The following WDR33 variants were observed in gnomAD, a reference collection of about 807,000 sequenced individuals.
The protein encoded by WDR33 is pre-mRNA 3' end processing protein WDR33.
Under a neutral mutation model 164.9 loss-of-function variants are expected in WDR33, and 47 were observed. The ratio of observed to expected loss-of-function variants is 0.29; its 90% CI spans 0.23 to 0.36. WDR33 has a LOEUF of 0.36. Ranked by LOEUF, WDR33 falls within the 10% of genes least tolerant of loss-of-function variation. The pLI is 1.00. For synonymous variants in WDR33, 505 were observed against 589.0 expected, an observed-to-expected ratio of 0.86 and a Z score of 2.06; for missense variants, 1,137 against 1,754.1, an observed-to-expected ratio of 0.65 and a Z score of 6.28.
At chr2:127,809,633 G>T (rs751091294) in intron 1 of WDR33, among the ~76,000 whole-genome samples, 8 of 151,664 alleles carry the variant, frequency 5.3e-5, no homozygotes. Context: ...ACGGGGTTCC[G>T]CCATGTTGGT....
chr2:127,797,919 C>G (rs1438601534), intron 1 of WDR33, among the ~76,000 whole-genome samples: 4 of 151,780 alleles, frequency 2.6e-5, no homozygotes, highest in Non-Finnish European at 5.9e-5. Flanking sequence ...GGGGCTGAAG[C>G]AGGAGGACTG....
Position 127,711,782 on chromosome 2 carries a change from T to TATATATATA in WDR33, c.3308+1800_3308+1801insTATATATAT, listed in dbSNP as rs1558919467. 3.0e-3 allele frequency among the ~76,000 whole-genome samples: 255 copies of TATATATATA among 84,366 alleles called. 4 individuals are homozygous for TATATATATA. Among genetic ancestry groups the TATATATATA allele is most frequent in the Non-Finnish European group, 4.3e-3 (202 of 47,460 alleles). 55.3% of individuals were successfully genotyped at this position (84,366 alleles called of 152,430 possible). On this transcript the variant is annotated intron_variant, in intron 18 of 21. Transcript: ENST00000322313. Reference sequence around the variant, plus strand: ...TATATATATATATATATATATATATTTTTTTTTTGAGACAGAGTCTCGCCC... The same window carrying TATATATATA: ...TATATATATATATATATATATATATTATATATATATTTTTTTTGAGACAGAGTCTCGCCC...
At chr2:127,750,317 C>G (rs774521484) in intron 7 of WDR33, among the ~76,000 whole-genome samples, 108 of 151,934 alleles carry the variant, frequency 7.1e-4, no homozygotes, top group Admixed American at 1.2e-3. Flanking sequence ...CATGAGCCAC[C>G]GCACCCAGCT....
chr2:127,750,699 T>TGC (rs1184751949), intron 7 of WDR33, among the ~76,000 whole-genome samples: 2 of 57,538 alleles, frequency 3.5e-5, no homozygotes, highest in African/African-American at 2.0e-4. Context: ...TATATATATA[T>TGC]ATATATATAT....
intron 1 of WDR33, among the ~76,000 whole-genome samples, chr2:127,781,404 GAACATA>G (rs2105460709): frequency 6.6e-6 from 1 of 152,228 alleles, no homozygotes; most frequent in African/African-American, 2.4e-5. Context: ...GCGAACACAG[GAACATA>G]AACATATAGT....
At chr2:127,747,981 T>C (rs1183254872) in intron 7 of WDR33, among the ~76,000 whole-genome samples, 3 of 152,178 alleles carry the variant, frequency 2.0e-5, no homozygotes, top group Non-Finnish European at 2.9e-5. Flanking sequence ...TCCAAGACCA[T>C]GGCAAAGTGA....
At chr2:127,791,341 C>T (rs961220107) in intron 1 of WDR33, among the ~76,000 whole-genome samples, 1 of 152,024 alleles carries the variant, frequency 6.6e-6, no homozygotes, top group Non-Finnish European at 1.5e-5. Context: ...CCCATTTCAT[C>T]ATGTGCTATG....
At chr2:127,749,714 A>G (rs941521777) in intron 7 of WDR33, among the ~76,000 whole-genome samples, 1 of 151,994 alleles carries the variant, frequency 6.6e-6, no homozygotes, top group Non-Finnish European at 1.5e-5. Flanking sequence ...CTCTTTCAAG[A>G]CAAGCCCTCA....
Position 127,725,149 on chromosome 2 carries a change from T to C in WDR33, c.918A>G (p.Ala306=), listed in dbSNP as rs762604314. The change falls in exon 9 of 22, where the codon GCA becomes GCG. Residue 306 remains alanine, a synonymous_variant. Transcript: ENST00000322313. ...AAAGTTTACAGAGATGATCACGTGA[T>C]GCTGTGAGTAGCCAATTGCCATTGA... The part of the protein sequence containing the change: ...LNLNGNWLLT[A]SRDHLCKLFD... 1 of 1,614,038 alleles carries C rather than the reference T, an allele frequency of 6.2e-7. No homozygotes were observed. The highest frequency in any genetic ancestry group is 1.7e-5 in the Admixed American group (1 of 59,992).
intron 7 of WDR33, among the ~76,000 whole-genome samples, chr2:127,733,942 G>A (rs1312625517): frequency 1.3e-5 from 2 of 152,088 alleles, no homozygotes; most frequent in African/African-American, 2.4e-5. Context: ...GTGGTGGGAG[G>A]GGGCCCGGAT....
chr2:127,724,959 G>C lies in WDR33; in HGVS notation c.1013C>G (p.Ala338Gly). The change falls in exon 10 of 22, where the codon GCC becomes GGC. Residue 338 changes from alanine to glycine, a missense_variant. Ala to Gly is a moderately conservative substitution (Grantham distance 60). Coordinates refer to ENST00000322313, the MANE Select transcript of WDR33 (RefSeq NM_018383.5). This position sits in a 1 kb window ranked among gnomAD's most constrained non-coding sequence, Gnocchi z 4.8. ...RGHKKEATAV[A>G]WHPVHEGLFA... is the part of the protein sequence containing the mutation. ...AAGTCCTTCATGAACAGGATGCCAG[G>C]CCACAGCTGCAGAACAAAAACATGG... The C allele has an allele frequency of 1.2e-6, 2 of 1,614,132 alleles. No individual in the cohort carries two copies. The highest frequency in any genetic ancestry group is 1.7e-6 in the Non-Finnish European group (2 of 1,180,018).
intron 7 of WDR33, chr2:127,736,302 A>G (rs1686839770): frequency 9.1e-6 from 9 of 985,402 alleles, no homozygotes; most frequent in Non-Finnish European, 8.4e-6. Flanking sequence ...GAGACTGGGG[A>G]AGGGCATGTA....
In WDR33 at chr2:127,764,762, A is replaced by G; in HGVS notation, c.626+66T>C. 6.2e-7 allele frequency: 1 copy of G among 1,614,230 alleles called. No individual in the cohort carries two copies. Among genetic ancestry groups the G allele is most frequent in the Non-Finnish European group, 8.5e-7 (1 of 1,180,040 alleles). On this transcript the variant is annotated intron_variant, in intron 6 of 21. Transcript: ENST00000322313. The surrounding 1 kb of genome is among the most constrained non-coding windows in gnomAD (Gnocchi z 6.2). Reference sequence around the variant, plus strand: ...GAGCCCATGCATCTCTGCACCCAGAATACACTTAGAGAATAATTTAACCAT... The same window carrying G: ...GAGCCCATGCATCTCTGCACCCAGAGTACACTTAGAGAATAATTTAACCAT...
Position 127,756,721 on chromosome 2 carries a change from TAGAA to T in WDR33, c.724+6337_724+6340del, listed in dbSNP as rs368298972. Among the ~76,000 whole-genome samples, 771 of 152,298 alleles carry T rather than the reference TAGAA, an allele frequency of 5.1e-3. 11 individuals are homozygous for T. Among genetic ancestry groups the T allele is most frequent in the African/African-American group, 0.017 (717 of 41,560 alleles). On this transcript the variant is annotated intron_variant, in intron 7 of 21. Transcript: ENST00000322313. The stretch of plus-strand genomic sequence containing the variant: ...TTTATATCTTTAATAAATGTAAAGA[TAGAA>T]AGGCTCTTTCTGAAAACTGACTGCC...
chr2:127,771,137 TAC>T, intron 1 of WDR33, 133 bp from the exon 2 acceptor site: 3 of 709,906 alleles, frequency 4.2e-6, no homozygotes, highest in East Asian at 2.8e-5. Context: ...CACAATGAAC[TAC>T]AGTCATGAGT....
chr2:127,708,972 A>G lies in WDR33; in HGVS notation c.3566-80T>C, dbSNP rs762352504. On this transcript the variant is annotated intron_variant, in intron 20 of 21. Coordinates refer to ENST00000322313, the MANE Select transcript of WDR33 (RefSeq NM_018383.5). This position sits in a 1 kb window ranked among gnomAD's most constrained non-coding sequence, Gnocchi z 6.7. ...TGGGAATGACACTGTGAGAGTAAGG[A>G]GCAACTCGAGAGCCACCGTTCACTC... 15 of 1,387,592 alleles carry G rather than the reference A, an allele frequency of 1.1e-5. No homozygotes were observed. The highest frequency in any genetic ancestry group is 1.3e-5 in the Non-Finnish European group (14 of 1,051,616). The allele number at this position is 1,387,592 out of a possible 1,614,324, so 86.0% of individuals were successfully genotyped here. A position where few individuals can be genotyped will look rare whatever the true frequency, so the allele number is the denominator to read the frequency against.
At chr2:127,766,918 C>A (rs887550533) in intron 4 of WDR33, among the ~76,000 whole-genome samples, 1 of 152,022 alleles carries the variant, frequency 6.6e-6, no homozygotes, top group African/African-American at 2.4e-5. Flanking sequence ...GCCACCACAC[C>A]CGGCTAATTT....
At chr2:127,772,897 G>A (rs1219757128) in intron 1 of WDR33, among the ~76,000 whole-genome samples, 1 of 151,542 alleles carries the variant, frequency 6.6e-6, no homozygotes, top group African/African-American at 2.4e-5. Flanking sequence ...CCAAGCAGGA[G>A]GACTGCACTT....
intron 1 of WDR33, among the ~76,000 whole-genome samples, chr2:127,808,741 C>A (rs961094823): frequency 1.3e-5 from 2 of 151,486 alleles, no homozygotes; most frequent in African/African-American, 4.9e-5. Flanking sequence ...CTAAAAAATA[C>A]AAAAATTGGC....
Sources: allele counts gnomAD v4.1 joint callset (sites outside exome capture counted in the v4.1 genomes callset), GRCh38; gene constraint gnomAD v4.1.1; non-coding constraint Gnocchi (gnomAD v3.1); transcripts MANE v1.5; gene names NCBI Gene and HGNC (gene_info 2026-07-23, HGNC 2026-07-21).